PTPRD: variants seen among roughly 807,000 people sequenced by gnomAD.
The protein encoded by PTPRD is protein tyrosine phosphatase receptor type D.
In PTPRD, 34 loss-of-function variants were observed where a neutral mutation model predicts 214.5. The observed-to-expected ratio is 0.16, with a 90% CI of 0.12 to 0.21. The LOEUF is 0.21. Among genes scored for constraint, PTPRD ranks in the 10% least tolerant of loss-of-function variants. The probability of loss-of-function intolerance (pLI) is 1.00; values close to 1 mark genes in which losing one functional copy is unlikely to be tolerated. For synonymous variants in PTPRD, 1,128 were observed against 845.7 expected (o/e 1.33, Z -5.79); for missense variants, 2,545 against 2,398.7 (o/e 1.06, Z -1.27).
intron 14 of PTPRD, among the ~76,000 whole-genome samples, chr9:8,540,965 G>T (rs181999023): frequency 6.6e-6 from 1 of 152,276 alleles, no homozygotes; most frequent in East Asian, 1.9e-4. Flanking sequence ...TCTGAAAACA[G>T]AGGTAATGGC....
At chr9:10,472,547 A>T (rs2099037760) in intron 2 of PTPRD, among the ~76,000 whole-genome samples, 1 of 152,092 alleles carries the variant, frequency 6.6e-6, no homozygotes, top group African/African-American at 2.4e-5. Flanking sequence ...ATCACAGGCT[A>T]CTTCGGTCAT....
chr9:8,873,239 A>G (rs1566760140), intron 11 of PTPRD, among the ~76,000 whole-genome samples: 1 of 152,324 alleles, frequency 6.6e-6, no homozygotes, highest in Non-Finnish European at 1.5e-5. Context: ...AGGAATCTTT[A>G]TATACATGGC....
In PTPRD at chr9:8,389,288, A is replaced by G; in HGVS notation, c.4330T>C (p.Trp1444Arg). 6.2e-7 allele frequency: 1 copy of G among 1,613,124 alleles called. No homozygotes were observed. Among genetic ancestry groups the G allele is most frequent in the Non-Finnish European group, 8.5e-7 (1 of 1,179,410 alleles). Residue 1444 changes from tryptophan to arginine, a missense_variant, in exon 37 of 46, where the codon TGG (tryptophan) becomes CGG (arginine). Physicochemically the swap from Trp to Arg is moderately radical, Grantham distance 101. Transcript: ENST00000381196. The stretch of plus-strand genomic sequence containing the variant: ...ACAACTGTGGCACTCCGTTGTTCCC[A>G]TATCATTCTCCAAAAGTCCCCAAAT... ...ETFGDFWRMIWEQRSATVVMM... is the reference protein window; with the variant it reads ...ETFGDFWRMIREQRSATVVMM...
chr9:10,605,612 A>G (rs1278488738), intron 2 of PTPRD, among the ~76,000 whole-genome samples: 1 of 151,822 alleles, frequency 6.6e-6, no homozygotes, highest in African/African-American at 2.4e-5. Flanking sequence ...GTGACTCAGG[A>G]TGACAGCAAA....
intron 4 of PTPRD, among the ~76,000 whole-genome samples, chr9:10,001,072 G>A (rs2096297607): frequency 6.6e-6 from 1 of 152,112 alleles, no homozygotes; most frequent in South Asian, 2.1e-4. Context: ...GTAGCGGGGA[G>A]CTTTTTTTTC....
chr9:10,535,072 G>T (rs919010223), intron 2 of PTPRD, among the ~76,000 whole-genome samples: 3 of 152,186 alleles, frequency 2.0e-5, no homozygotes, highest in African/African-American at 7.2e-5. Context: ...GGTACCAACA[G>T]TGGACTGGAG....
chr9:10,145,221 A>G (rs749644432), intron 3 of PTPRD, among the ~76,000 whole-genome samples: 6 of 152,114 alleles, frequency 3.9e-5, no homozygotes, highest in Non-Finnish European at 8.8e-5. Flanking sequence ...CAATTTCTTG[A>G]TGAAGCCACA....
At chr9:10,138,578 T>C (rs146707632) in intron 3 of PTPRD, among the ~76,000 whole-genome samples, 27 of 152,126 alleles carry the variant, frequency 1.8e-4, no homozygotes, top group African/African-American at 6.5e-4. Context: ...GCCAACATCA[T>C]CCTGAAACCA....
intron 14 of PTPRD, among the ~76,000 whole-genome samples, chr9:8,546,731 C>G (rs1283739171): frequency 6.6e-6 from 1 of 152,074 alleles, no homozygotes; most frequent in East Asian, 1.9e-4. Flanking sequence ...AACTCCTGAC[C>G]TCAAGTGATC....
Position 10,552,251 on chromosome 9 carries a change from C to CTT in PTPRD, c.-600+60145_-600+60146dup, listed in dbSNP as rs57400329. On this transcript the variant is annotated intron_variant, in intron 2 of 45. Transcript: ENST00000381196. The stretch of plus-strand genomic sequence containing the variant: ...GACACTAATAGAACAGAAAACCAAG[C>CTT]TTTTTTATCTGTATTAAGAATTTAA... Among the ~76,000 whole-genome samples the CTT allele has an allele frequency of 6.0e-3, 905 of 151,998 alleles. 6 individuals are homozygous for CTT. The highest frequency in any genetic ancestry group is 0.021 in the African/African-American group (852 of 41,450).
At chr9:9,404,528 G>A (rs1387965101) in intron 8 of PTPRD, among the ~76,000 whole-genome samples, 1 of 152,066 alleles carries the variant, frequency 6.6e-6, no homozygotes, top group African/African-American at 2.4e-5. Flanking sequence ...GGTATTTACT[G>A]AGATGAGCAA....
At chr9:9,310,092 G>C (rs1362675909) in intron 9 of PTPRD, among the ~76,000 whole-genome samples, 1 of 152,160 alleles carries the variant, frequency 6.6e-6, no homozygotes, top group African/African-American at 2.4e-5. Flanking sequence ...CTTTCACAGA[G>C]GAGTCCCTGC....
intron 10 of PTPRD, among the ~76,000 whole-genome samples, chr9:9,177,258 A>G (rs1250137860): frequency 6.6e-6 from 1 of 152,012 alleles, no homozygotes; most frequent in Non-Finnish European, 1.5e-5. Context: ...CTCTGAAAAG[A>G]AAACAGCATG....
At chr9:8,643,859 G>A (rs1214972649) in intron 12 of PTPRD, among the ~76,000 whole-genome samples, 2 of 152,334 alleles carry the variant, frequency 1.3e-5, no homozygotes, top group African/African-American at 4.8e-5. Context: ...GTTGGTGGCA[G>A]GAGGCAGACA....
chr9:9,379,097 T>C (rs1375795352), intron 9 of PTPRD, among the ~76,000 whole-genome samples: 1 of 151,404 alleles, frequency 6.6e-6, no homozygotes, highest in African/African-American at 2.4e-5. Context: ...TCATCTAGAA[T>C]TACTCCCGTT....
chr9:8,615,608 C>T (rs1485999704), intron 14 of PTPRD, among the ~76,000 whole-genome samples: 1 of 152,002 alleles, frequency 6.6e-6, no homozygotes, highest in Non-Finnish European at 1.5e-5. Context: ...CTAATAAGAA[C>T]AAAACCATTC....
chr9:8,911,338 T>G (rs932429822), intron 11 of PTPRD, among the ~76,000 whole-genome samples: 1 of 151,964 alleles, frequency 6.6e-6, no homozygotes, highest in African/African-American at 2.4e-5. Context: ...GGCAATTCAG[T>G]TGGGAAAAGA....
At chr9:10,540,564 T>A (rs1316963656) in intron 2 of PTPRD, among the ~76,000 whole-genome samples, 1 of 152,252 alleles carries the variant, frequency 6.6e-6, no homozygotes, top group Non-Finnish European at 1.5e-5. Flanking sequence ...TATCTCATTT[T>A]GCTTGCTTCT....
chr9:9,630,568 A>C (rs913373765), intron 7 of PTPRD, among the ~76,000 whole-genome samples: 75 of 152,370 alleles, frequency 4.9e-4, no homozygotes, highest in African/African-American at 1.8e-3. Context: ...TTTATTAACC[A>C]AAATTGGTGA....
Sources: gnomAD v4.1 joint callset for allele counts (sites outside exome capture counted in the v4.1 genomes callset) on GRCh38, gnomAD v4.1.1 for gene constraint, MANE v1.5 for transcripts, NCBI Gene and HGNC (gene_info 2026-07-23, HGNC 2026-07-21) for gene names.